Variants in NTN1 observed in about 807,000 individuals in gnomAD.
NTN1 encodes netrin 1.
Under a neutral mutation model 54.2 loss-of-function variants are expected in NTN1, and 11 were observed. The ratio of observed to expected loss-of-function variants is 0.20; its 90% CI spans 0.13 to 0.34. The LOEUF (loss-of-function observed/expected upper bound fraction) is 0.34. Ranked by LOEUF, NTN1 falls within the 10% of genes least tolerant of loss-of-function variation. The pLI, the probability that NTN1 is intolerant of heterozygous loss-of-function variation, is 1.00. For synonymous variants in NTN1, 371 were observed against 382.0 expected (o/e 0.97, Z 0.33); for missense variants, 740 against 893.1 (o/e 0.83, Z 2.18).
chr17:9,238,191 CCA>C (rs1358512862), intron 6 of NTN1, among the ~76,000 whole-genome samples: 14 of 152,014 alleles, frequency 9.2e-5, no homozygotes, highest in African/African-American at 3.4e-4. Context: ...TGGGGTGGTT[CCA>C]TTGTCTGGAG....
chr17:9,218,863 G>A (rs1905268564), intron 5 of NTN1, among the ~76,000 whole-genome samples: 1 of 151,768 alleles, frequency 6.6e-6, no homozygotes, highest in Non-Finnish European at 1.5e-5. Flanking sequence ...CGGTGAAAGG[G>A]ATTTCCTCCT....
In NTN1 at chr17:9,183,165, G is replaced by T. The variant is rs116127187; in HGVS notation, c.1411+196G>T. 9.3e-4 allele frequency: 638 copies of T among 688,848 alleles called. 2 individuals are homozygous for T. In the African/African-American group the frequency reaches 1.0e-2, roughly 11 times the overall value. The allele number at this position is 688,848 out of a possible 1,614,324, so 42.7% of individuals were successfully genotyped here. On this transcript the variant is annotated intron_variant, in intron 5 of 6. Coordinates refer to ENST00000173229, the MANE Select transcript of NTN1 (RefSeq NM_004822.3). ...CACTATTTTGTGGCTTTCCCTCTGAGAATCAAATGGAGGAGATTTTAATGA... is the reference window on the plus strand; with the variant it reads ...CACTATTTTGTGGCTTTCCCTCTGATAATCAAATGGAGGAGATTTTAATGA...
At chr17:9,104,981 G>T (rs1444037566) in intron 2 of NTN1, among the ~76,000 whole-genome samples, 1 of 152,238 alleles carries the variant, frequency 6.6e-6, no homozygotes, top group Admixed American at 6.5e-5. Flanking sequence ...GCCTCTGAGT[G>T]GGGCAGGGGT....
chr17:9,003,203 C>G, the NTN1 span, among the ~76,000 whole-genome samples: 3 of 151,966 alleles, frequency 2.0e-5, no homozygotes, highest in Non-Finnish European at 2.9e-5. The surrounding 1 kb of genome is among the most constrained non-coding windows in gnomAD (Gnocchi z 7.4). Context: ...GCGGCTGCCC[C>G]GCGCTCGGGA....
At chr17:9,003,353 G>C in the NTN1 span, among the ~76,000 whole-genome samples, 1 of 151,858 alleles carries the variant, frequency 6.6e-6, no homozygotes, top group Non-Finnish European at 1.5e-5. The surrounding 1 kb of genome is among the most constrained non-coding windows in gnomAD (Gnocchi z 7.4). Context: ...GGCCATCCCG[G>C]GCGGTGCGTG....
At chr17:9,093,693 G>C (rs2092121316) in intron 2 of NTN1, among the ~76,000 whole-genome samples, 1 of 152,186 alleles carries the variant, frequency 6.6e-6, no homozygotes, top group Admixed American at 6.5e-5. Context: ...GGACAAGTTG[G>C]CTGGGCGCGG....
intron 2 of NTN1, among the ~76,000 whole-genome samples, chr17:9,082,241 AAT>A (rs2142225154): frequency 6.6e-6 from 1 of 152,142 alleles, no homozygotes; most frequent in Admixed American, 6.5e-5. Context: ...TTGTATTTTT[AAT>A]AGAGACGGGG....
At position 9,211,232 on chromosome 17, in the gene NTN1, C is replaced by T. The variant is rs1905101620; in HGVS notation, c.1412-9936C>T. Among the ~76,000 whole-genome samples the T allele has an allele frequency of 6.6e-6, 1 of 152,204 alleles. No homozygotes were observed. Among genetic ancestry groups the T allele is most frequent in the Admixed American group, 6.5e-5 (1 of 15,278 alleles). Reference sequence around the variant, plus strand: ...CTTCCTTTTGGTTTCTCACACTTTCCTGCCCTGGGGCCTTTGCAACTGCCG... The same window carrying T: ...CTTCCTTTTGGTTTCTCACACTTTCTTGCCCTGGGGCCTTTGCAACTGCCG... On this transcript the variant is annotated intron_variant, in intron 5 of 6. Coordinates refer to ENST00000173229, the MANE Select transcript of NTN1 (RefSeq NM_004822.3). The surrounding 1 kb of genome is among the most constrained non-coding windows in gnomAD (Gnocchi z 4.4).
intron 2 of NTN1, among the ~76,000 whole-genome samples, chr17:9,125,228 ATTT>A (rs143350408): frequency 1.4e-5 from 2 of 142,628 alleles, no homozygotes; most frequent in Admixed American, 7.0e-5. Flanking sequence ...TGTTTGGCTA[ATTT>A]TTTTTTTTTT....
At chr17:9,146,630 G>C (rs1404607283) in intron 2 of NTN1, among the ~76,000 whole-genome samples, 3 of 149,732 alleles carry the variant, frequency 2.0e-5, no homozygotes, top group Non-Finnish European at 4.4e-5. Context: ...GACACACCCT[G>C]GGGCTCCTGG....
rs779180245 is a variant in NTN1 at position 9,243,020 on chromosome 17, G to A, written c.*3052G>A. The A allele has an allele frequency of 6.6e-6, 1 of 152,256 alleles. No homozygotes were observed. Among genetic ancestry groups the A allele is most frequent in the African/African-American group, 2.4e-5 (1 of 41,462 alleles). The allele number at this position is 152,256 out of a possible 1,614,324, so 9.4% of individuals were successfully genotyped here. On this transcript the variant is annotated 3_prime_UTR_variant, in exon 7 of 7. Transcript: ENST00000173229. ...AGAAAAACATACCAGATTAGTCTTT[G>A]TTTTTGAAACAGCTTCCCCAGTTGT...
In NTN1 at chr17:9,179,964, T is replaced by A. The variant is rs768669486; in HGVS notation, c.1357+8T>A. On this transcript the variant is annotated splice_region_variant and intron_variant, in intron 4 of 6. Transcript: ENST00000173229. ...CCATCGCCCCCTGCATAAGTATGTG[T>A]GGGGCACCCTGCTTTTCAAGTCTCT... 14 of 1,608,606 alleles carry A rather than the reference T, an allele frequency of 8.7e-6. No individual in the cohort carries two copies. In the South Asian group the frequency reaches 1.4e-4, roughly 17 times the overall value.
At chr17:9,007,098 GTTTTC>G in the NTN1 span, among the ~76,000 whole-genome samples, 6 of 152,122 alleles carry the variant, frequency 3.9e-5, no homozygotes, top group African/African-American at 1.4e-4. Context: ...AGACTCCATT[GTTTTC>G]TTTTCTTTTC....
chr17:9,039,053 G>T (rs778490296), intron 2 of NTN1, among the ~76,000 whole-genome samples: 1 of 152,234 alleles, frequency 6.6e-6, no homozygotes, highest in Admixed American at 6.5e-5. Context: ...TTTATTAAAT[G>T]CTTAAGTATT....
chr17:9,134,512 C>A (rs558867130), intron 2 of NTN1, among the ~76,000 whole-genome samples: 1 of 152,356 alleles, frequency 6.6e-6, no homozygotes, highest in South Asian at 2.1e-4. Flanking sequence ...AACAGAACTA[C>A]TCACGTCAGG....
rs558564980 is a variant in NTN1, at chr17:9,162,879, G to A, written c.1085G>A (p.Arg362His). 1.4e-5 allele frequency: 22 copies of A among 1,614,068 alleles called. No homozygotes were observed. The highest frequency in any genetic ancestry group is 1.1e-4 in the East Asian group (5 of 44,874). Residue 362 changes from arginine to histidine, a missense_variant, in exon 3 of 7, where the codon CGC becomes CAC. Transcript: ENST00000173229. ...ATGGAGCTCTACAAGCTTTCGGGGCGCAAGAGCGGAGGTGTCTGCCTCAAC... is the reference window on the plus strand; with the variant it reads ...ATGGAGCTCTACAAGCTTTCGGGGCACAAGAGCGGAGGTGTCTGCCTCAAC... ...FNMELYKLSGRKSGGVCLNCR... is the reference protein window; with the variant it reads ...FNMELYKLSGHKSGGVCLNCR...
chr17:9,118,420 A>G (rs1444820094), intron 2 of NTN1, among the ~76,000 whole-genome samples: 1 of 152,206 alleles, frequency 6.6e-6, no homozygotes, highest in Non-Finnish European at 1.5e-5. Flanking sequence ...CGGGAGGCTG[A>G]GGCAGGAGAA....
At chr17:9,069,338 C>T (rs2092025665) in intron 2 of NTN1, among the ~76,000 whole-genome samples, 1 of 151,862 alleles carries the variant, frequency 6.6e-6, no homozygotes, top group Non-Finnish European at 1.5e-5. Flanking sequence ...GTTCTAGGGA[C>T]ATGTCTTTTT....
At chr17:9,142,000 G>A (rs1002766958) in intron 2 of NTN1, among the ~76,000 whole-genome samples, 4 of 152,144 alleles carry the variant, frequency 2.6e-5, no homozygotes, top group African/African-American at 7.2e-5. Context: ...ATTAGCAGGC[G>A]CCTGTAATCC....
Sources: gnomAD v4.1 joint callset for allele counts (sites outside exome capture counted in the v4.1 genomes callset) on GRCh38, gnomAD v4.1.1 for gene constraint, Gnocchi (gnomAD v3.1) non-coding constraint, MANE v1.5 for transcripts, NCBI Gene and HGNC (gene_info 2026-07-23, HGNC 2026-07-21) for gene names.